PDE4B: variants seen among roughly 807,000 people sequenced by gnomAD.
PDE4B encodes the protein 3',5'-cyclic-AMP phosphodiesterase 4B.
Under a neutral mutation model 82.2 loss-of-function variants are expected in PDE4B, and 20 were observed. The ratio of observed to expected loss-of-function variants is 0.24; its 90% CI spans 0.17 to 0.35. PDE4B has a LOEUF of 0.35. PDE4B is among the 10% of genes least tolerant of loss of function. The pLI, the probability that PDE4B is intolerant of heterozygous loss-of-function variation, is 1.00. For missense variants in PDE4B, 655 were observed against 907.2 expected, an observed-to-expected ratio of 0.72 and a Z score of 3.57; for synonymous variants, 320 against 318.9, an observed-to-expected ratio of 1.00 and a Z score of -0.04.
At chr1:66,013,279 G>A (rs1035263480) in intron 3 of PDE4B, among the ~76,000 whole-genome samples, 12 of 152,054 alleles carry the variant, frequency 7.9e-5, no homozygotes, top group Admixed American at 2.0e-4. Context: ...AAAAAAGGCA[G>A]AACCAAAGGT....
At chr1:66,077,101 G>T (rs1656473604) in intron 3 of PDE4B, among the ~76,000 whole-genome samples, 1 of 152,072 alleles carries the variant, frequency 6.6e-6, no homozygotes, top group Non-Finnish European at 1.5e-5. Context: ...CCAACATCAA[G>T]AAGGGTATTT....
chr1:65,793,493 G>A (rs1645597235), intron 1 of PDE4B, among the ~76,000 whole-genome samples: 1 of 152,176 alleles, frequency 6.6e-6, no homozygotes, highest in African/African-American at 2.4e-5. Context: ...TGGACCTCTT[G>A]ACAAGTCACT....
At chr1:65,794,123 ATTACATTGTAC>A (rs1415085196) in intron 1 of PDE4B, among the ~76,000 whole-genome samples, 3 of 152,192 alleles carry the variant, frequency 2.0e-5, no homozygotes, top group African/African-American at 7.2e-5. Flanking sequence ...GTCACCTAAA[ATTACATTGTAC>A]TTACATTAGG....
chr1:66,019,597 G>T (rs539076361), intron 3 of PDE4B, among the ~76,000 whole-genome samples: 45 of 151,876 alleles, frequency 3.0e-4, no homozygotes, highest in Middle Eastern at 3.4e-3. Context: ...CTTGTGATCC[G>T]CCCCCTTGAC....
At chr1:66,283,938 T>C (rs1226719414) in intron 7 of PDE4B, among the ~76,000 whole-genome samples, 2 of 152,244 alleles carry the variant, frequency 1.3e-5, no homozygotes, top group Admixed American at 1.3e-4. Context: ...GACTCATTCA[T>C]TCACCCTAAA....
rs184553721 is a variant in PDE4B at position 66,369,122 on chromosome 1, C to T, written c.1845+153C>T. Among the ~76,000 whole-genome samples the T allele has an allele frequency of 1.9e-3, 283 of 152,246 alleles. 1 individual carries two copies. The highest frequency in any genetic ancestry group is 2.8e-3 in the Admixed American group (43 of 15,302). ...TGTTCCATTATAGTCAGGACTCATG[C>T]GACTTCTCCATTACACTCAGTTTCA... On this transcript the variant is annotated intron_variant, in intron 16 of 16. Transcript: ENST00000341517.
intron 3 of PDE4B, among the ~76,000 whole-genome samples, chr1:66,206,029 G>C (rs1354250598): frequency 6.6e-6 from 1 of 152,134 alleles, no homozygotes; most frequent in Admixed American, 6.6e-5. Context: ...AGGAATCAGG[G>C]GTTTCTACAC....
intron 3 of PDE4B, among the ~76,000 whole-genome samples, chr1:66,027,910 G>A (rs1170528006): frequency 6.6e-6 from 1 of 152,192 alleles, no homozygotes; most frequent in Non-Finnish European, 1.5e-5. Context: ...TTTCACAGGT[G>A]GGTGTTGAGT....
intron 3 of PDE4B, among the ~76,000 whole-genome samples, chr1:65,974,502 A>T (rs141031063): frequency 2.2e-4 from 33 of 152,312 alleles, no homozygotes; most frequent in African/African-American, 7.7e-4. Flanking sequence ...CATGGCAGAC[A>T]TTACCTATTA....
chr1:65,860,423 C>T (rs1233926176), intron 1 of PDE4B, among the ~76,000 whole-genome samples: 1 of 152,202 alleles, frequency 6.6e-6, no homozygotes. Context: ...ACATGTGCCA[C>T]ATTTTCTTTA....
intron 1 of PDE4B, among the ~76,000 whole-genome samples, chr1:65,814,555 A>G (rs1037533623): frequency 6.6e-6 from 1 of 152,206 alleles, no homozygotes; most frequent in African/African-American, 2.4e-5. Context: ...ACCACAATCA[A>G]GATATTTCCA....
At chr1:66,011,219 C>T in intron 3 of PDE4B, among the ~76,000 whole-genome samples, 1 of 75,566 alleles carries the variant, frequency 1.3e-5, no homozygotes. Flanking sequence ...AAACATTCAT[C>T]TGCCAAAAAA....
intron 1 of PDE4B, among the ~76,000 whole-genome samples, chr1:65,850,709 T>C (rs1030367500): frequency 2.6e-5 from 4 of 152,158 alleles, no homozygotes; most frequent in African/African-American, 7.2e-5. Flanking sequence ...ATATTCTAGA[T>C]GTGGGTGTAC....
At chr1:65,950,147 A>G (rs1438271146) in intron 3 of PDE4B, among the ~76,000 whole-genome samples, 4 of 152,146 alleles carry the variant, frequency 2.6e-5, no homozygotes, top group Non-Finnish European at 5.9e-5. Context: ...TCTCTCTTCA[A>G]TCACTGGTGC....
intron 3 of PDE4B, among the ~76,000 whole-genome samples, chr1:66,112,301 C>T (rs1238862034): frequency 6.6e-6 from 1 of 151,954 alleles, no homozygotes; most frequent in Non-Finnish European, 1.5e-5. Context: ...TCATTTAGAT[C>T]ATTTATTACA....
intron 4 of PDE4B, among the ~76,000 whole-genome samples, chr1:66,250,045 T>G (rs12039595): frequency 0.031 from 4,758 of 152,324 alleles, 205 homozygotes; most frequent in East Asian, 0.23. Context: ...ATATTAAGCT[T>G]CTTCTAGTAA....
chr1:65,898,887 C>T (rs538914977), intron 1 of PDE4B, among the ~76,000 whole-genome samples: 3 of 152,210 alleles, frequency 2.0e-5, no homozygotes, highest in Admixed American at 2.0e-4. Context: ...TGTAAAAACC[C>T]TTCTAGACAT....
chr1:65,879,058 A>G (rs1319037560), intron 1 of PDE4B, among the ~76,000 whole-genome samples: 1 of 152,142 alleles, frequency 6.6e-6, no homozygotes, highest in Non-Finnish European at 1.5e-5. Flanking sequence ...AGAAATGAAG[A>G]AACTGAGACA....
chr1:66,178,057 A>G (rs998117459), intron 3 of PDE4B, among the ~76,000 whole-genome samples: 4 of 151,938 alleles, frequency 2.6e-5, no homozygotes, highest in African/African-American at 9.7e-5. Flanking sequence ...AGACAATGAA[A>G]GGAGAAAATT....
Sources: gnomAD v4.1 joint callset for allele counts (sites outside exome capture counted in the v4.1 genomes callset) on GRCh38, gnomAD v4.1.1 for gene constraint, MANE v1.5 for transcripts, NCBI Gene and HGNC (gene_info 2026-07-23, HGNC 2026-07-21) for gene names.